GLP1R: variants seen among roughly 807,000 people sequenced by gnomAD.
GLP1R encodes glucagon-like peptide 1 receptor.
A neutral mutation model predicts 68.4 loss-of-function variants in GLP1R; 32 were observed. That is an observed-to-expected ratio of 0.47 (90% CI 0.35 to 0.63). GLP1R has a LOEUF of 0.63. GLP1R is among the 20% of genes least tolerant of loss of function. The pLI is 0.00. For missense variants in GLP1R, 502 were observed against 594.9 expected, an observed-to-expected ratio of 0.84 and a Z score of 1.62; for synonymous variants, 263 against 244.4, an observed-to-expected ratio of 1.08 and a Z score of -0.71.
intron 7 of GLP1R, 68 bp from the exon 8 acceptor site, chr6:39,078,254 C>T (rs1768886575): frequency 9.0e-7 from 1 of 1,115,606 alleles, no homozygotes. Flanking sequence ...CAGGGAGAGG[C>T]CTCGGCATGT....
chr6:39,062,970 G>C (rs1768387152), intron 3 of GLP1R, among the ~76,000 whole-genome samples: 2 of 152,250 alleles, frequency 1.3e-5, no homozygotes, highest in South Asian at 4.1e-4. Flanking sequence ...ATGTTGTGAA[G>C]GAATCTGCAA....
At chr6:39,070,856 G>A (rs796900265) in intron 5 of GLP1R, among the ~76,000 whole-genome samples, 3 of 142,706 alleles carry the variant, frequency 2.1e-5, no homozygotes, top group African/African-American at 7.3e-5. Flanking sequence ...TCTTTAGTCT[G>A]TGGCTTATTT....
rs909807014 is a variant in GLP1R, at chr6:39,079,408, T to C, written c.1044-156T>C. Among the ~76,000 whole-genome samples, 3 of 152,184 alleles carry C rather than the reference T, an allele frequency of 2.0e-5. No individual in the cohort carries two copies. The highest frequency in any genetic ancestry group is 7.2e-5 in the African/African-American group (3 of 41,442). ...CTTGTTGGGGTCTTGACCTCTATTC[T>C]TTCCCTCCAGGCAGCCTGTCCCAGG... On this transcript the variant is annotated intron_variant, in intron 10 of 12. Coordinates refer to ENST00000373256, the MANE Select transcript of GLP1R (RefSeq NM_002062.5). The surrounding 1 kb of genome is among the most constrained non-coding windows in gnomAD (Gnocchi z 4.5).
At chr6:39,076,273 A>C (rs917872859) in intron 7 of GLP1R, among the ~76,000 whole-genome samples, 1 of 152,138 alleles carries the variant, frequency 6.6e-6, no homozygotes, top group African/African-American at 2.4e-5. Flanking sequence ...CTCACCCATC[A>C]TTCGTTCCAT....
Position 39,079,107 on chromosome 6 carries a change from C to A in GLP1R, c.955-5C>A. ...CCCCTGCCAATCCCCGGCCCCACCC[C>A]GCAGGTGAACTTCCTCATCTTTGTT... is the stretch of plus-strand genomic sequence containing the variant. On this transcript the variant is annotated splice_polypyrimidine_tract_variant and splice_region_variant and intron_variant, in intron 9 of 12. Transcript: ENST00000373256. This position sits in a 1 kb window ranked among gnomAD's most constrained non-coding sequence, Gnocchi z 4.5. 1.2e-6 allele frequency: 2 copies of A among 1,613,700 alleles called. No homozygotes were observed. Among genetic ancestry groups the A allele is most frequent in the South Asian group, 2.2e-5 (2 of 91,074 alleles).
chr6:39,076,805 T>C (rs1301344069), intron 7 of GLP1R, among the ~76,000 whole-genome samples: 1 of 152,154 alleles, frequency 6.6e-6, no homozygotes, highest in African/African-American at 2.4e-5. Flanking sequence ...CAGAAGGCCA[T>C]TGAGGGCGGT....
intron 12 of GLP1R, among the ~76,000 whole-genome samples, chr6:39,082,022 C>G (rs1164642914): frequency 6.6e-6 from 1 of 152,180 alleles, no homozygotes; most frequent in Non-Finnish European, 1.5e-5. Context: ...GCTCAGTAAG[C>G]AATCACTATT....
intron 5 of GLP1R, among the ~76,000 whole-genome samples, chr6:39,068,922 C>G (rs1768588358): frequency 6.6e-6 from 1 of 152,244 alleles, no homozygotes; most frequent in South Asian, 2.1e-4. Context: ...TGGCCACACC[C>G]TTGGTATTGT....
intron 1 of GLP1R, among the ~76,000 whole-genome samples, chr6:39,054,866 G>C (rs1238238017): frequency 6.6e-6 from 1 of 152,242 alleles, no homozygotes; most frequent in Admixed American, 6.5e-5. Flanking sequence ...GGTGGGGGTT[G>C]ATCCACCAGG....
chr6:39,088,869 C>T lies in GLP1R; in HGVS notation c.*2796C>T, dbSNP rs912589381. On this transcript the variant is annotated 3_prime_UTR_variant, in exon 13 of 13. Transcript: ENST00000373256. Reference sequence around the variant, plus strand: ...CGATCTATAGGATTGAGGAATGAGGCTTGTAGAGGTGGCTTGCCCAAGGTC... The same window carrying T: ...CGATCTATAGGATTGAGGAATGAGGTTTGTAGAGGTGGCTTGCCCAAGGTC... Among the ~76,000 whole-genome samples, 4 of 152,180 alleles carry T rather than the reference C, an allele frequency of 2.6e-5. No homozygotes were observed. The highest frequency in any genetic ancestry group is 7.2e-5 in the African/African-American group (3 of 41,438).
intron 7 of GLP1R, among the ~76,000 whole-genome samples, chr6:39,076,165 C>T (rs1195118879): frequency 2.6e-5 from 4 of 152,094 alleles, no homozygotes; most frequent in Non-Finnish European, 2.9e-5. Context: ...CAGCAGGGGG[C>T]GAGGGATACC....
In GLP1R at chr6:39,088,735, T is replaced by G. The variant is rs936187190; in HGVS notation, c.*2662T>G. 1.3e-5 allele frequency among the ~76,000 whole-genome samples: 2 copies of G among 152,236 alleles called. No individual in the cohort carries two copies. Among genetic ancestry groups the G allele is most frequent in the African/African-American group, 4.8e-5 (2 of 41,464 alleles). On this transcript the variant is annotated 3_prime_UTR_variant, in exon 13 of 13. Transcript: ENST00000373256. Reference sequence around the variant, plus strand: ...CTTCCCTTTAAAATGAGCTTCTGGATTGCAGAGATGATTTTTTATGGTCTT... The same window carrying G: ...CTTCCCTTTAAAATGAGCTTCTGGAGTGCAGAGATGATTTTTTATGGTCTT...
intron 3 of GLP1R, among the ~76,000 whole-genome samples, chr6:39,065,060 G>A (rs1341489197): frequency 6.6e-6 from 1 of 152,218 alleles, no homozygotes; most frequent in Non-Finnish European, 1.5e-5. Context: ...ATACGACCAA[G>A]AGGCCGTGTA....
At position 39,057,918 on chromosome 6, in the gene GLP1R, CGAG is replaced by C. The variant is rs367870529; in HGVS notation, c.283+344_283+346del. 4.6e-3 allele frequency among the ~76,000 whole-genome samples: 694 copies of C among 152,308 alleles called. 5 individuals carry two copies. Among genetic ancestry groups the C allele is most frequent in the African/African-American group, 0.016 (651 of 41,564 alleles). On this transcript the variant is annotated intron_variant, in intron 3 of 12. Transcript: ENST00000373256. ...CTCCCTCCCCCACCGTCCCCTGTAT[CGAG>C]GAGGCTGAGGTCAAGGCGCTGCTTC...
intron 3 of GLP1R, among the ~76,000 whole-genome samples, chr6:39,059,978 C>T (rs563403652): frequency 6.6e-6 from 1 of 152,298 alleles, no homozygotes; most frequent in African/African-American, 2.4e-5. Context: ...CCCTGCCAGC[C>T]TTTCCCCAAC....
At chr6:39,078,494 A>G (rs1768896254) in intron 8 of GLP1R, 112 bp downstream of exon 8, 1 of 792,132 alleles carries the variant, frequency 1.3e-6, no homozygotes, top group Admixed American at 1.8e-5. Flanking sequence ...GGGGGGTACC[A>G]GGAGCTTAGA....
At chr6:39,082,003 T>C (rs59996784) in intron 12 of GLP1R, among the ~76,000 whole-genome samples, 2 of 152,056 alleles carry the variant, frequency 1.3e-5, no homozygotes, top group African/African-American at 4.8e-5. Context: ...CACACCATTA[T>C]CTCCAGATGC....
Position 39,072,985 on chromosome 6 carries a change from G to A in GLP1R, c.633G>A (p.Gln211=). ...LKWMYSTAAQ[Q]HQWDGLLSYQ... is the part of the protein sequence containing the mutation. ...GGATGTATAGCACAGCCGCCCAGCAGCACCAGTGGGATGGGCTCCTCTCCT... is the reference window on the plus strand; with the variant it reads ...GGATGTATAGCACAGCCGCCCAGCAACACCAGTGGGATGGGCTCCTCTCCT... The change falls in exon 6 of 13, where the codon CAG becomes CAA. Residue 211 remains glutamine, a synonymous_variant. Transcript: ENST00000373256. 1.2e-6 allele frequency: 2 copies of A among 1,614,082 alleles called. No individual in the cohort carries two copies. The highest frequency in any genetic ancestry group is 1.7e-6 in the Non-Finnish European group (2 of 1,179,956).
At chr6:39,081,700 A>C (rs1769017110) in intron 12 of GLP1R, among the ~76,000 whole-genome samples, 1 of 152,200 alleles carries the variant, frequency 6.6e-6, no homozygotes, top group Admixed American at 6.5e-5. Flanking sequence ...AGGAGCTATG[A>C]GATGGCTCAA....
Sources: gnomAD v4.1 joint callset for allele counts (sites outside exome capture counted in the v4.1 genomes callset) on GRCh38, gnomAD v4.1.1 for gene constraint, Gnocchi (gnomAD v3.1) non-coding constraint, MANE v1.5 for transcripts, NCBI Gene and HGNC (gene_info 2026-07-23, HGNC 2026-07-21) for gene names.